CLASP2: variants seen among roughly 807,000 people sequenced by gnomAD.
CLASP2 encodes the protein cytoplasmic linker associated protein 2.
In CLASP2, 47 loss-of-function variants were observed where a neutral mutation model predicts 194.4. The ratio of observed to expected loss-of-function variants is 0.24; its 90% CI spans 0.19 to 0.31. The LOEUF (loss-of-function observed/expected upper bound fraction) is 0.31, where lower values mean the gene tolerates loss of function less well. Among genes scored for constraint, CLASP2 ranks in the 10% least tolerant of loss-of-function variants. The probability of loss-of-function intolerance (pLI) is 1.00; values close to 1 mark genes in which losing one functional copy is unlikely to be tolerated. For missense variants in CLASP2, 1,445 were observed against 1,823.6 expected, an observed-to-expected ratio of 0.79 and a Z score of 3.78; for synonymous variants, 619 against 633.5, an observed-to-expected ratio of 0.98 and a Z score of 0.34.
chr3:33,685,342 CAAAAAAAAAAAA>C (rs56240569), intron 5 of CLASP2, among the ~76,000 whole-genome samples: 1 of 48,144 alleles, frequency 2.1e-5, no homozygotes, highest in African/African-American at 7.3e-5. Flanking sequence ...AACTCCGTCT[CAAAAAAAAAAAA>C]AAAAAAAAAA....
At position 33,572,911 on chromosome 3, in the gene CLASP2, A is replaced by T. The variant is rs1019882933; in HGVS notation, c.2699+199T>A. 4.3e-5 allele frequency among the ~76,000 whole-genome samples: 6 copies of T among 139,538 alleles called. No homozygotes were observed. The East Asian group carries it at 1.2e-3, about 28-fold the overall frequency. 91.5% of individuals were successfully genotyped at this position (139,538 alleles called of 152,430 possible). Reference sequence around the variant, plus strand: ...AATGTTTTGCTTAATAGAACAAATAATTTTTTTTTTTTTTTTTTTAGTAAT... The same window carrying T: ...AATGTTTTGCTTAATAGAACAAATATTTTTTTTTTTTTTTTTTTTAGTAAT... On this transcript the variant is annotated intron_variant, in intron 25 of 38. Coordinates refer to ENST00000682230, the MANE Select transcript of CLASP2 (RefSeq NM_001365631.1).
chr3:33,522,685 G>A (rs1046518254), intron 34 of CLASP2, among the ~76,000 whole-genome samples: 2 of 152,074 alleles, frequency 1.3e-5, no homozygotes, highest in African/African-American at 4.8e-5. Context: ...AATAATGTAT[G>A]AACAAAATGG....
chr3:33,572,329 C>T (rs1452851948), intron 25 of CLASP2, among the ~76,000 whole-genome samples: 1 of 152,080 alleles, frequency 6.6e-6, no homozygotes, highest in Non-Finnish European at 1.5e-5. Context: ...GTGATATGAA[C>T]ACATGAAAAT....
intron 21 of CLASP2, among the ~76,000 whole-genome samples, chr3:33,585,311 A>T (rs1195101723): frequency 6.6e-6 from 1 of 152,212 alleles, no homozygotes; most frequent in Non-Finnish European, 1.5e-5. Flanking sequence ...GTCATATGTC[A>T]CTTAACAATG....
chr3:33,525,989 TTA>T (rs987490037), intron 34 of CLASP2, among the ~76,000 whole-genome samples: 1 of 152,162 alleles, frequency 6.6e-6, no homozygotes, highest in African/African-American at 2.4e-5. Flanking sequence ...TCTTCCGGCT[TTA>T]TAGAGTTTGA....
intron 23 of CLASP2, among the ~76,000 whole-genome samples, chr3:33,578,584 T>C (rs1313018529): frequency 6.6e-6 from 1 of 152,228 alleles, no homozygotes; most frequent in African/African-American, 2.4e-5. Flanking sequence ...AAGAGAATGC[T>C]GCACAAAATG....
At chr3:33,562,622 C>T (rs574220546) in intron 27 of CLASP2, among the ~76,000 whole-genome samples, 2 of 152,278 alleles carry the variant, frequency 1.3e-5, no homozygotes, top group South Asian at 2.1e-4. Flanking sequence ...TGCCTCTCCC[C>T]CAAAGCTCAT....
chr3:33,713,313 G>A (rs931974942), intron 1 of CLASP2, among the ~76,000 whole-genome samples: 5 of 152,138 alleles, frequency 3.3e-5, no homozygotes, highest in Admixed American at 3.3e-4. Context: ...AAGGGGCACT[G>A]ACTCTGACAG....
intron 6 of CLASP2, among the ~76,000 whole-genome samples, chr3:33,677,750 C>T (rs1478490824): frequency 6.8e-6 from 1 of 147,778 alleles, no homozygotes; most frequent in Non-Finnish European, 1.5e-5. Context: ...ACACGTGGGG[C>T]TTGCTGCCTG....
intron 21 of CLASP2, chr3:33,588,685 T>C (rs1164934409): frequency 2.8e-5 from 20 of 701,932 alleles, no homozygotes; most frequent in Non-Finnish European, 4.7e-5. Context: ...GATGCACACA[T>C]AAAGTCTATA....
intron 12 of CLASP2, among the ~76,000 whole-genome samples, chr3:33,617,386 A>G (rs753762021): frequency 6.6e-6 from 1 of 152,170 alleles, no homozygotes; most frequent in African/African-American, 2.4e-5. Context: ...TACTGGCTCA[A>G]TTGGCTTTGT....
chr3:33,536,163 G>GGCACA (rs2057292374), intron 33 of CLASP2, among the ~76,000 whole-genome samples: 1 of 151,854 alleles, frequency 6.6e-6, no homozygotes, highest in Non-Finnish European at 1.5e-5. Flanking sequence ...TTATATGCCT[G>GGCACA]GCATTGTTCA....
At position 33,496,353 on chromosome 3, in the gene CLASP2, C is replaced by T. The variant is rs2045774399; in HGVS notation, c.*2278G>A. On this transcript the variant is annotated 3_prime_UTR_variant, in exon 39 of 39. Coordinates refer to ENST00000682230, the MANE Select transcript of CLASP2 (RefSeq NM_001365631.1). Reference sequence around the variant, plus strand: ...AGAATAGCAGGAGGAAAAATATAAACAGTAGCTTTTTGTGACCATTTTTAA... The same window carrying T: ...AGAATAGCAGGAGGAAAAATATAAATAGTAGCTTTTTGTGACCATTTTTAA... 6.6e-6 allele frequency: 1 copy of T among 152,108 alleles called. No homozygotes were observed. Among genetic ancestry groups the T allele is most frequent in the Middle Eastern group, 3.2e-3 (1 of 316 alleles). The allele number at this position is 152,108 out of a possible 1,614,324, so 9.4% of individuals were successfully genotyped here.
intron 27 of CLASP2, among the ~76,000 whole-genome samples, chr3:33,561,756 A>G (rs192872345): frequency 6.6e-6 from 1 of 152,266 alleles, no homozygotes; most frequent in Admixed American, 6.5e-5. Context: ...ATACTTATGA[A>G]AAGTGACCTT....
chr3:33,526,865 G>A (rs373895124), intron 34 of CLASP2, among the ~76,000 whole-genome samples: 2 of 152,088 alleles, frequency 1.3e-5, no homozygotes, highest in Admixed American at 6.6e-5. Flanking sequence ...TAAACAACAC[G>A]CCCCTGAATT....
chr3:33,573,224 C>G lies in CLASP2; in HGVS notation c.2585G>C (p.Arg862Thr), dbSNP rs1432340688. The change falls in exon 25 of 39, where the codon AGG becomes ACG. Residue 862 changes from arginine to threonine, a missense_variant. Arg to Thr is a moderately conservative substitution (Grantham distance 71). This residue lies in a region of CLASP2 where 732 missense variants were observed against 987.9 expected (regional missense o/e 0.74). Coordinates refer to ENST00000682230, the MANE Select transcript of CLASP2 (RefSeq NM_001365631.1). Reference protein sequence around the residue: ...SRNGSIPTYMRQTEDVAEVLN... With the variant: ...SRNGSIPTYMTQTEDVAEVLN... ...GACTTCTGCCACATCTTCCGTCTGCCTCATATATGTAGGAATACTACCATT... is the reference window on the plus strand; with the variant it reads ...GACTTCTGCCACATCTTCCGTCTGCGTCATATATGTAGGAATACTACCATT... The G allele has an allele frequency of 6.2e-7, 1 of 1,613,884 alleles. No homozygotes were observed. Among genetic ancestry groups the G allele is most frequent in the Non-Finnish European group, 8.5e-7 (1 of 1,179,842 alleles).
chr3:33,617,690 A>G (rs1046695904), intron 12 of CLASP2, among the ~76,000 whole-genome samples: 13 of 152,110 alleles, frequency 8.5e-5, no homozygotes, highest in Non-Finnish European at 1.0e-4. Flanking sequence ...CTTGATATAT[A>G]AAAAGATCTT....
At chr3:33,596,605 T>G (rs1211075839) in intron 19 of CLASP2, 106 bp downstream of exon 19, 4 of 794,798 alleles carry the variant, frequency 5.0e-6, no homozygotes, top group Non-Finnish European at 8.2e-6. Flanking sequence ...ACTAAATAAG[T>G]ATTAATAATA....
chr3:33,561,058 C>A (rs1456954361), intron 27 of CLASP2, 87 bp from the exon 28 acceptor site: 1 of 1,193,096 alleles, frequency 8.4e-7, no homozygotes, highest in Non-Finnish European at 1.2e-6. Flanking sequence ...CAGAAAGGAA[C>A]ACAGGAATCA....
Sources: gnomAD v4.1 joint callset for allele counts (sites outside exome capture counted in the v4.1 genomes callset) on GRCh38, gnomAD v4.1.1 for gene constraint, gnomAD v4.1.1 regional missense constraint, MANE v1.5 for transcripts, NCBI Gene and HGNC (gene_info 2026-07-23, HGNC 2026-07-21) for gene names.